DNAH17: variants seen among roughly 807,000 people sequenced by gnomAD.
The protein encoded by DNAH17 is axonemal beta dynein heavy chain 17.
DNAH17 carries 376 observed loss-of-function variants against 485.6 expected under a neutral mutation model. The ratio of observed to expected loss-of-function variants is 0.77; its 90% CI spans 0.71 to 0.84. The LOEUF (loss-of-function observed/expected upper bound fraction) is 0.84. DNAH17 is among the 40% of genes least tolerant of loss of function. DNAH17 has a pLI of 0.00. For missense variants in DNAH17, 6,370 were observed against 5,839.3 expected, an observed-to-expected ratio of 1.09 and a Z score of -2.96; for synonymous variants, 3,031 against 2,405.9, an observed-to-expected ratio of 1.26 and a Z score of -7.60.
chr17:78,555,928 C>G (rs1044383160), intron 14 of DNAH17, among the ~76,000 whole-genome samples: 1 of 152,220 alleles, frequency 6.6e-6, no homozygotes, highest in Non-Finnish European at 1.5e-5. Context: ...GGGATTTACA[C>G]CATCTGTTCC....
At chr17:78,520,654 T>C (rs573831448) in intron 25 of DNAH17, among the ~76,000 whole-genome samples, 2 of 152,190 alleles carry the variant, frequency 1.3e-5, no homozygotes, top group Non-Finnish European at 2.9e-5. Flanking sequence ...GAAAGACACA[T>C]GAGGTATAAA....
At chr17:78,566,512 C>G (rs920711094) in intron 11 of DNAH17, 102 bp downstream of exon 11, 1 of 870,022 alleles carries the variant, frequency 1.1e-6, no homozygotes, top group Non-Finnish European at 1.8e-6. Context: ...GACATCAGCT[C>G]TACATGGAGA....
chr17:78,425,304 T>C (rs762329438), intron 80 of DNAH17, 42 bp downstream of exon 80: 4 of 1,583,424 alleles, frequency 2.5e-6, no homozygotes, highest in Non-Finnish European at 3.5e-6. Context: ...CAAGTAGCAC[T>C]GGCTCTGGAA....
At chr17:78,475,229 C>T (rs1293572545) in intron 54 of DNAH17, 49 bp downstream of exon 54, 2 of 1,590,806 alleles carry the variant, frequency 1.3e-6, no homozygotes, top group Non-Finnish European at 1.7e-6. Flanking sequence ...TTTTTCTTTA[C>T]TCCCTGACCC....
Position 78,514,991 on chromosome 17 carries a change from G to C in DNAH17, c.3896C>G (p.Thr1299Ser), listed in dbSNP as rs577953009. 52 of 1,613,972 alleles carry C rather than the reference G, an allele frequency of 3.2e-5. 1 individual carries two copies. The South Asian group carries it at 5.5e-4, about 17-fold the overall frequency. The change falls in exon 26 of 81, where the codon ACC (threonine) becomes AGC (serine). Residue 1299 changes from threonine (T) to serine (S), a missense_variant. Thr to Ser is a moderately conservative substitution (Grantham distance 58). Coordinates refer to ENST00000389840, the MANE Select transcript of DNAH17 (RefSeq NM_173628.4). ...VNTSIEDWKT[T>S]KWKDINVEQM... ...CTCAACGTTGATATCTTTCCACTTG[G>C]TGGTCTTCCAGTCCTCGATGCTGGT...
chr17:78,517,703 T>C (rs2090825174), intron 25 of DNAH17, among the ~76,000 whole-genome samples: 1 of 152,218 alleles, frequency 6.6e-6, no homozygotes, highest in South Asian at 2.1e-4. Flanking sequence ...TCTTAGCATC[T>C]GACCCAAACA....
chr17:78,530,620 C>G, intron 20 of DNAH17, 108 bp from the exon 21 acceptor site: 1 of 1,327,082 alleles, frequency 7.5e-7, no homozygotes, highest in East Asian at 2.3e-5. Context: ...CGCTGCTCAC[C>G]TGCCGGCCAC....
At chr17:78,544,841 A>T (rs2091712389) in intron 16 of DNAH17, among the ~76,000 whole-genome samples, 1 of 143,652 alleles carries the variant, frequency 7.0e-6, no homozygotes, top group African/African-American at 2.6e-5. Flanking sequence ...GGTGGTGGCC[A>T]CTTTTAATTA....
chr17:78,494,408 C>A (rs2089989180), intron 40 of DNAH17, among the ~76,000 whole-genome samples, 185 bp downstream of exon 40: 3 of 152,042 alleles, frequency 2.0e-5, no homozygotes, highest in Admixed American at 2.0e-4. Context: ...GAGAGAGTGA[C>A]CTCCCCCAGC....
intron 75 of DNAH17, among the ~76,000 whole-genome samples, chr17:78,430,431 C>T (rs1631200): frequency 0.16 from 24,228 of 152,136 alleles, 2,061 homozygotes; most frequent in Middle Eastern, 0.2. Flanking sequence ...TCCTGAAGGG[C>T]GAGGCAGATG....
At chr17:78,571,072 C>G (rs1033938134) in intron 5 of DNAH17, 39 bp from the exon 6 acceptor site, 9 of 1,534,124 alleles carry the variant, frequency 5.9e-6, no homozygotes, top group Non-Finnish European at 8.0e-6. Flanking sequence ...GGTAAGAGAG[C>G]AGAAATTGCT....
At chr17:78,523,275 C>T (rs1186949508) in intron 25 of DNAH17, among the ~76,000 whole-genome samples, 1 of 152,080 alleles carries the variant, frequency 6.6e-6, no homozygotes, top group Non-Finnish European at 1.5e-5. Flanking sequence ...AGGCACCTGC[C>T]ACCATGCCCA....
rs971165021 is a variant in DNAH17, at chr17:78,466,942, G to A, written c.8779-126C>T. 5.0e-6 allele frequency: 5 copies of A among 997,350 alleles called. No homozygotes were observed. In the Admixed American group the frequency reaches 1.6e-4, roughly 32 times the overall value. The allele number at this position is 997,350 out of a possible 1,614,324, so 61.8% of individuals were successfully genotyped here. A position where few individuals can be genotyped will look rare whatever the true frequency, so the allele number is the denominator to read the frequency against. ...CCGGGCTCAGCCGCCCAGGGCCTGG[G>A]CAGCACAGTCCTGGTTCTGGGTTTG... On this transcript the variant is annotated intron_variant, in intron 55 of 80. Coordinates refer to ENST00000389840, the MANE Select transcript of DNAH17 (RefSeq NM_173628.4).
intron 74 of DNAH17, among the ~76,000 whole-genome samples, chr17:78,436,604 G>A (rs933444944): frequency 6.6e-6 from 1 of 152,116 alleles, no homozygotes; most frequent in African/African-American, 2.4e-5. Flanking sequence ...CAAGATTTGG[G>A]AGCCTGAGGC....
chr17:78,511,188 A>G (rs1252555953), intron 26 of DNAH17, among the ~76,000 whole-genome samples: 2 of 151,964 alleles, frequency 1.3e-5, no homozygotes, highest in African/African-American at 4.8e-5. Flanking sequence ...GCTCACTGGA[A>G]CCTCCACCTC....
chr17:78,542,467 G>A (rs1241878682), intron 17 of DNAH17, among the ~76,000 whole-genome samples: 1 of 152,166 alleles, frequency 6.6e-6, no homozygotes, highest in East Asian at 1.9e-4. Flanking sequence ...GCTCAAGGGA[G>A]AATATTCTCT....
intron 16 of DNAH17, 82 bp from the exon 17 acceptor site, chr17:78,544,079 G>A: frequency 1.6e-5 from 25 of 1,586,918 alleles, no homozygotes; most frequent in East Asian, 2.2e-5. Context: ...TGCTTTTGAT[G>A]TGAGTTTCGT....
intron 41 of DNAH17, chr17:78,493,011 C>T (rs951312287): frequency 2.5e-5 from 8 of 325,382 alleles, no homozygotes; most frequent in Admixed American, 1.8e-4. Context: ...TGACCACACC[C>T]GGCTAATTTT....
chr17:78,442,146 G>T (rs972838534), intron 71 of DNAH17, among the ~76,000 whole-genome samples: 6 of 152,182 alleles, frequency 3.9e-5, no homozygotes, highest in Admixed American at 1.3e-4. Context: ...ACAAATGGCC[G>T]CATCCCGAAG....
Sources: gnomAD v4.1 joint callset for allele counts (sites outside exome capture counted in the v4.1 genomes callset) on GRCh38, gnomAD v4.1.1 for gene constraint, MANE v1.5 for transcripts, NCBI Gene and HGNC (gene_info 2026-07-23, HGNC 2026-07-21) for gene names.